Variants in CORO2A observed in about 807,000 individuals in gnomAD.
CORO2A encodes the protein coronin 2A.
Under a neutral mutation model 62.4 loss-of-function variants are expected in CORO2A, and 47 were observed. The ratio of observed to expected loss-of-function variants is 0.75; its 90% CI spans 0.60 to 0.96. CORO2A has a LOEUF of 0.96. Among genes scored for constraint, CORO2A ranks in the 40% least tolerant of loss-of-function variants. The pLI, the probability that CORO2A is intolerant of heterozygous loss-of-function variation, is 0.00. For synonymous variants in CORO2A, 273 were observed against 268.9 expected (o/e 1.02, Z -0.15); for missense variants, 610 against 684.1 (o/e 0.89, Z 1.21).
intron 2 of CORO2A, among the ~76,000 whole-genome samples, chr9:98,141,772 C>G (rs1827572168): frequency 6.6e-6 from 1 of 152,148 alleles, no homozygotes; most frequent in Admixed American, 6.5e-5. Context: ...CCTCTTTTTC[C>G]TCATCTGTAA....
chr9:98,133,447 C>T (rs1827439930), intron 4 of CORO2A, among the ~76,000 whole-genome samples: 1 of 152,160 alleles, frequency 6.6e-6, no homozygotes, highest in South Asian at 2.1e-4. Flanking sequence ...ACGCCACCTG[C>T]CTCTGAGCAA....
At chr9:98,145,686 T>C (rs74519906) in intron 2 of CORO2A, among the ~76,000 whole-genome samples, 2,118 of 152,240 alleles carry the variant, frequency 0.014, 34 homozygotes, top group African/African-American at 0.031. Context: ...CACATCGGCT[T>C]GAGAAGGGTC....
chr9:98,140,531 C>T (rs974764328), intron 2 of CORO2A, among the ~76,000 whole-genome samples: 1 of 151,786 alleles, frequency 6.6e-6, no homozygotes, highest in Non-Finnish European at 1.5e-5. Flanking sequence ...GCCTCGAACT[C>T]GGGGTAAGAC....
intron 1 of CORO2A, among the ~76,000 whole-genome samples, chr9:98,163,539 G>T (rs1221388738): frequency 6.6e-6 from 1 of 152,146 alleles, no homozygotes. Flanking sequence ...CTCCTGCAAG[G>T]TAGGTGGGGA....
At chr9:98,164,609 G>A (rs1827934103) in intron 1 of CORO2A, among the ~76,000 whole-genome samples, 2 of 152,152 alleles carry the variant, frequency 1.3e-5, no homozygotes, top group African/African-American at 4.8e-5. Context: ...TATCACAACT[G>A]GGCTCTGTGA....
chr9:98,132,111 T>A, intron 6 of CORO2A, 74 bp downstream of exon 6: 1 of 1,109,444 alleles, frequency 9.0e-7, no homozygotes, highest in East Asian at 2.4e-5. Context: ...GGTGTCTAAA[T>A]GAATGCATGC....
chr9:98,152,644 CAAGTT>C (rs1454257905), intron 2 of CORO2A, among the ~76,000 whole-genome samples: 3 of 152,110 alleles, frequency 2.0e-5, no homozygotes, highest in African/African-American at 7.2e-5. Context: ...ACAAATAAGT[CAAGTT>C]AATAGCATGA....
intron 1 of CORO2A, among the ~76,000 whole-genome samples, chr9:98,188,117 C>T (rs1464424402): frequency 3.3e-5 from 5 of 152,198 alleles, no homozygotes; most frequent in Non-Finnish European, 5.9e-5. Context: ...ACATGCCAGG[C>T]ATGGTCCTGC....
In CORO2A at chr9:98,122,975, A is replaced by G. The variant is rs953120449; in HGVS notation, c.*1799T>C. On this transcript the variant is annotated 3_prime_UTR_variant, in exon 12 of 12. Coordinates refer to ENST00000375077, the MANE Select transcript of CORO2A (RefSeq NM_052820.4). Reference sequence around the variant, plus strand: ...GGTTGAATGCCTCTGACCCCTTGCCAGTGTCCGTTAGTTTCTGTAGCAAAC... The same window carrying G: ...GGTTGAATGCCTCTGACCCCTTGCCGGTGTCCGTTAGTTTCTGTAGCAAAC... 6.6e-6 allele frequency: 1 copy of G among 152,266 alleles called. No individual in the cohort carries two copies. Among genetic ancestry groups the G allele is most frequent in the African/African-American group, 2.4e-5 (1 of 41,470 alleles). 9.4% of individuals were successfully genotyped at this position (152,266 alleles called of 1,614,324 possible). A position where few individuals can be genotyped will look rare whatever the true frequency, so the allele number is the denominator to read the frequency against.
At chr9:98,126,248 C>A (rs967255356) in intron 11 of CORO2A, among the ~76,000 whole-genome samples, 1 of 151,502 alleles carries the variant, frequency 6.6e-6, no homozygotes, top group Non-Finnish European at 1.5e-5. Context: ...GTTGGCCATG[C>A]TGGTCTTGAA....
chr9:98,154,657 T>C (rs1176638878), intron 2 of CORO2A, among the ~76,000 whole-genome samples: 1 of 152,118 alleles, frequency 6.6e-6, no homozygotes, highest in Non-Finnish European at 1.5e-5. Flanking sequence ...TAAAGTATGG[T>C]TTAGTGTAGG....
In CORO2A at chr9:98,128,533, C is replaced by T. The variant is rs1363199277; in HGVS notation, c.1080+74G>A. Reference sequence around the variant, plus strand: ...TGAACGTGGGCTCCAGGCTCTGGTGCCCGACAGCCCTGGGTCTGTCTTCTC... The same window carrying T: ...TGAACGTGGGCTCCAGGCTCTGGTGTCCGACAGCCCTGGGTCTGTCTTCTC... On this transcript the variant is annotated intron_variant, in intron 9 of 11. Coordinates refer to ENST00000375077, the MANE Select transcript of CORO2A (RefSeq NM_052820.4). 3.0e-6 allele frequency: 4 copies of T among 1,343,138 alleles called. No homozygotes were observed. In the African/African-American group the frequency reaches 5.7e-5, roughly 19 times the overall value. The allele number at this position is 1,343,138 out of a possible 1,614,324, so 83.2% of individuals were successfully genotyped here. A position where few individuals can be genotyped will look rare whatever the true frequency, so the allele number is the denominator to read the frequency against.
chr9:98,168,047 C>T (rs2118902779), intron 1 of CORO2A, among the ~76,000 whole-genome samples: 2 of 152,332 alleles, frequency 1.3e-5, no homozygotes, highest in South Asian at 4.1e-4. Flanking sequence ...TGTCAGGGGT[C>T]TAATCTTGGC....
In CORO2A at chr9:98,154,509, T is replaced by C. The variant is rs1428575108; in HGVS notation, c.201+2951A>G. Among the ~76,000 whole-genome samples, 6 of 151,940 alleles carry C rather than the reference T, an allele frequency of 3.9e-5. 1 individual carries two copies. The highest frequency in any genetic ancestry group is 2.0e-4 in the Admixed American group (3 of 15,262). ...CCCAAGCCAAGACATGAACCATTAC[T>C]AGCACATAGGAGGTCTCCCACGAGA... On this transcript the variant is annotated intron_variant, in intron 2 of 11. Transcript: ENST00000375077.
chr9:98,124,828 G>A lies in CORO2A; in HGVS notation c.1524C>T (p.Ala508=), dbSNP rs1431330407. ...RELLTQREVQ[A]KQLELEIKNL... ...TTTTGATCTCCAGTTCCAACTGTTT[G>A]GCCTGGACCTCTCGCTGGGTCAACA... is the stretch of plus-strand genomic sequence containing the variant. The change falls in exon 12 of 12, where the codon GCC becomes GCT. Residue 508 remains alanine, a synonymous_variant. Transcript: ENST00000375077. 6.2e-7 allele frequency: 1 copy of A among 1,609,126 alleles called. No individual in the cohort carries two copies. The highest frequency in any genetic ancestry group is 1.1e-5 in the South Asian group (1 of 89,954).
chr9:98,185,028 G>T (rs1828221531), intron 1 of CORO2A, among the ~76,000 whole-genome samples: 1 of 152,178 alleles, frequency 6.6e-6, no homozygotes, highest in African/African-American at 2.4e-5. Context: ...TATAAATGAA[G>T]AAACTGACGC....
chr9:98,172,801 G>A (rs1292796914), intron 1 of CORO2A: 1 of 152,300 alleles, frequency 6.6e-6, no homozygotes, highest in African/African-American at 2.4e-5. Context: ...AAGGCAGGAG[G>A]CCAGACTGAT....
At chr9:98,147,823 A>T (rs1447201938) in intron 2 of CORO2A, among the ~76,000 whole-genome samples, 2 of 152,234 alleles carry the variant, frequency 1.3e-5, no homozygotes, top group Non-Finnish European at 2.9e-5. Context: ...ACCCAAAAAT[A>T]TGTACACAAA....
intron 1 of CORO2A, among the ~76,000 whole-genome samples, chr9:98,162,739 G>C (rs771390898): frequency 6.6e-6 from 1 of 152,228 alleles, no homozygotes; most frequent in Non-Finnish European, 1.5e-5. Flanking sequence ...GCATCCCTTT[G>C]GATGTTTAAC....
Sources: gnomAD v4.1 joint callset for allele counts (sites outside exome capture counted in the v4.1 genomes callset) on GRCh38, gnomAD v4.1.1 for gene constraint, MANE v1.5 for transcripts, NCBI Gene and HGNC (gene_info 2026-07-23, HGNC 2026-07-21) for gene names.